Variants in SLC15A1 observed in about 807,000 individuals in gnomAD.
SLC15A1 encodes Caco-2 oligopeptide transporter.
A neutral mutation model predicts 92.9 loss-of-function variants in SLC15A1; 83 were observed. The ratio of observed to expected loss-of-function variants is 0.89; its 90% CI spans 0.75 to 1.07. The LOEUF (loss-of-function observed/expected upper bound fraction) is 1.07. Among genes scored for constraint, SLC15A1 ranks in the 50% least tolerant of loss-of-function variants. The probability of loss-of-function intolerance (pLI) is 0.00; values close to 1 mark genes in which losing one functional copy is unlikely to be tolerated. For missense variants in SLC15A1, 857 were observed against 880.1 expected (o/e 0.97, Z 0.33); for synonymous variants, 322 against 318.2 (o/e 1.01, Z -0.13).
chr13:98,749,485 G>T lies in SLC15A1; in HGVS notation c.4+3110C>A, dbSNP rs540764489. ...TAGTCTTGCTAAGCTTTGGATAAGG[G>T]AGTGAGGTGGGGTGGGAGGAAAGAG... On this transcript the variant is annotated intron_variant, in intron 1 of 22. Coordinates refer to ENST00000376503, the MANE Select transcript of SLC15A1 (RefSeq NM_005073.4). 2.5e-4 allele frequency among the ~76,000 whole-genome samples: 38 copies of T among 152,292 alleles called. No individual in the cohort carries two copies. The South Asian group carries it at 7.5e-3, about 30-fold the overall frequency.
intron 1 of SLC15A1, among the ~76,000 whole-genome samples, chr13:98,735,773 C>A (rs2139604368): frequency 6.6e-6 from 1 of 152,280 alleles, no homozygotes; most frequent in South Asian, 2.1e-4. Flanking sequence ...ACCTAGGAAT[C>A]CAACTTACAA....
At chr13:98,686,910 C>T (rs1433988519) in intron 21 of SLC15A1, among the ~76,000 whole-genome samples, 6 of 151,356 alleles carry the variant, frequency 4.0e-5, no homozygotes, top group African/African-American at 1.2e-4. Flanking sequence ...GTCTAACACA[C>T]TTAAAAGCAA....
intron 18 of SLC15A1, among the ~76,000 whole-genome samples, chr13:98,699,050 C>T (rs1156486084): frequency 3.3e-5 from 5 of 152,088 alleles, no homozygotes; most frequent in African/African-American, 7.2e-5. Context: ...AATACTGTCA[C>T]GATCAGAATA....
intron 18 of SLC15A1, among the ~76,000 whole-genome samples, chr13:98,696,168 C>A (rs527831011): frequency 2.0e-5 from 3 of 151,840 alleles, no homozygotes; most frequent in Non-Finnish European, 4.4e-5. Flanking sequence ...AATCCCAGCA[C>A]TTTGGGAGGC....
At chr13:98,719,410 T>C (rs766161917) in intron 7 of SLC15A1, 90 bp from the exon 8 acceptor site, 42 of 912,456 alleles carry the variant, frequency 4.6e-5, no homozygotes, top group Non-Finnish European at 6.9e-5. Flanking sequence ...GATAATTACG[T>C]ATTGCTTTCA....
intron 1 of SLC15A1, among the ~76,000 whole-genome samples, chr13:98,730,822 C>T (rs756732417): frequency 5.9e-5 from 9 of 152,224 alleles, no homozygotes; most frequent in Non-Finnish European, 8.8e-5. Flanking sequence ...GTCCCGTGGG[C>T]CCTTCCAGGA....
At chr13:98,728,977 T>TAAAAAAAAAAAAAAAAAAAAA (rs71218592) in intron 1 of SLC15A1, among the ~76,000 whole-genome samples, 2 of 13,890 alleles carry the variant, frequency 1.4e-4, no homozygotes, top group African/African-American at 3.2e-4. Context: ...TAAGGCTCTG[T>TAAAAAAAAAAAAAAAAAAAAA]AAAAAAAAAA....
At chr13:98,733,897 G>A (rs375239341) in intron 1 of SLC15A1, among the ~76,000 whole-genome samples, 13 of 152,328 alleles carry the variant, frequency 8.5e-5, no homozygotes, top group South Asian at 8.3e-4. Flanking sequence ...GAATCACAGG[G>A]GTCTAGCACC....
intron 15 of SLC15A1, 118 bp downstream of exon 15, chr13:98,708,568 A>C (rs1730074226): frequency 2.5e-6 from 2 of 785,146 alleles, no homozygotes; most frequent in Non-Finnish European, 1.9e-6. Flanking sequence ...TCCAGGGCTC[A>C]GTTTACAGAG....
chr13:98,701,952 G>A (rs777382148), intron 18 of SLC15A1, among the ~76,000 whole-genome samples: 7 of 152,094 alleles, frequency 4.6e-5, no homozygotes, highest in Non-Finnish European at 1.0e-4. Flanking sequence ...TGGGATTACA[G>A]GTGTGAGCCA....
intron 7 of SLC15A1, among the ~76,000 whole-genome samples, chr13:98,720,117 G>A (rs1411143610): frequency 6.6e-6 from 1 of 152,208 alleles, no homozygotes; most frequent in Admixed American, 6.5e-5. Context: ...ATTCGGGAGA[G>A]AAAGAAGTTA....
At position 98,726,196 on chromosome 13, in the gene SLC15A1, T is replaced by G. The variant is rs757814242; in HGVS notation, c.172A>C (p.Thr58Pro). ...GTCAGGTAGCACAGAGCCACAAACG[T>G]ATGGTAGATGGCGGTGGACAGGTTA... ...DDNLSTAIYH[T>P]FVALCYLTPI... Residue 58 changes from threonine (T) to proline (P), a missense_variant, in exon 4 of 23, where the codon ACG (threonine) becomes CCG (proline). By Grantham distance (38) the Thr-to-Pro change is conservative. Transcript: ENST00000376503. 2 of 1,613,452 alleles carry G rather than the reference T, an allele frequency of 1.2e-6. No homozygotes were observed. Among genetic ancestry groups the G allele is most frequent in the Non-Finnish European group, 1.7e-6 (2 of 1,179,906 alleles).
chr13:98,725,749 G>C (rs1300682327), intron 4 of SLC15A1, among the ~76,000 whole-genome samples: 1 of 152,160 alleles, frequency 6.6e-6, no homozygotes, highest in Non-Finnish European at 1.5e-5. Flanking sequence ...TTTTGAGACA[G>C]GGTCTTGTTC....
intron 18 of SLC15A1, among the ~76,000 whole-genome samples, chr13:98,701,619 G>A (rs2139572233): frequency 6.6e-6 from 1 of 150,522 alleles, no homozygotes; most frequent in East Asian, 1.9e-4. Flanking sequence ...TCCCACCTCA[G>A]CCCCCTGAGT....
chr13:98,726,014 A>G, intron 4 of SLC15A1, 109 bp downstream of exon 4: 9 of 1,399,506 alleles, frequency 6.4e-6, no homozygotes, highest in Non-Finnish European at 6.8e-6. Flanking sequence ...GGCCTCTCCT[A>G]AGAGTTTCTG....
At chr13:98,706,397 A>G in intron 15 of SLC15A1, 144 bp from the exon 16 acceptor site, 2 of 844,706 alleles carry the variant, frequency 2.4e-6, no homozygotes, top group South Asian at 1.6e-5. Context: ...TAAGCTGCCA[A>G]TCACAGACCT....
At chr13:98,693,190 C>T (rs9584907) in intron 18 of SLC15A1, among the ~76,000 whole-genome samples, 3,727 of 147,276 alleles carry the variant, frequency 0.025, 112 homozygotes, top group African/African-American at 0.079. Flanking sequence ...CTCCGCCTCC[C>T]GGGTTCAAGC....
chr13:98,725,541 A>G (rs149514978), intron 4 of SLC15A1, among the ~76,000 whole-genome samples: 2 of 152,270 alleles, frequency 1.3e-5, no homozygotes, highest in Non-Finnish European at 2.9e-5. Flanking sequence ...CATCACTAAT[A>G]ATAGACAGTA....
chr13:98,708,567 C>T, intron 15 of SLC15A1, 119 bp downstream of exon 15: 1 of 778,784 alleles, frequency 1.3e-6, no homozygotes, highest in Non-Finnish European at 2.0e-6. Flanking sequence ...CTCCAGGGCT[C>T]AGTTTACAGA....
Sources: allele counts gnomAD v4.1 joint callset (sites outside exome capture counted in the v4.1 genomes callset), GRCh38; gene constraint gnomAD v4.1.1; transcripts MANE v1.5; gene names NCBI Gene and HGNC (gene_info 2026-07-23, HGNC 2026-07-21).